Variants in TMEM138 observed in about 807,000 individuals in gnomAD.
The protein encoded by TMEM138 is transmembrane protein 138.
Under a neutral mutation model 18.1 loss-of-function variants are expected in TMEM138, and 9 were observed. The ratio of observed to expected loss-of-function variants is 0.50; its 90% confidence interval spans 0.30 to 0.87. The LOEUF (loss-of-function observed/expected upper bound fraction) is 0.87. TMEM138 is among the 40% of genes least tolerant of loss of function. The probability of loss-of-function intolerance (pLI) is 0.06; values close to 1 mark genes in which losing one functional copy is unlikely to be tolerated. For synonymous variants in TMEM138, 79 were observed against 74.8 expected, an observed-to-expected ratio of 1.06 and a Z score of -0.29; for missense variants, 189 against 190.6, an observed-to-expected ratio of 0.99 and a Z score of 0.05.
chr11:61,372,333 ACT>A (rs1858362379), downstream of TMEM138, among the ~76,000 whole-genome samples: 2 of 151,796 alleles, frequency 1.3e-5, no homozygotes, highest in Middle Eastern at 3.4e-3. Context: ...ATGGAGTCTC[ACT>A]CTGTCTCCCA....
Position 61,368,981 on chromosome 11 carries a change from G to C in TMEM138, c.*272G>C, listed in dbSNP as rs1229102117. The C allele has an allele frequency of 7.7e-6, 3 of 390,136 alleles. No individual in the cohort carries two copies. The South Asian group carries it at 9.1e-5, about 12-fold the overall frequency. The allele number at this position is 390,136 out of a possible 1,614,324, so 24.2% of individuals were successfully genotyped here. A position where few individuals can be genotyped will look rare whatever the true frequency, so the allele number is the denominator to read the frequency against. The stretch of plus-strand genomic sequence containing the variant: ...TCTGTACCATTCATTCTCCCTGACC[G>C]GCCTTTCTTGCCGAGGGTTCTGTGG... On this transcript the variant is annotated 3_prime_UTR_variant, in exon 5 of 5. Coordinates refer to ENST00000278826, the MANE Select transcript of TMEM138 (RefSeq NM_016464.5).
At chr11:61,370,251 C>T (rs1481690633), downstream of TMEM138, among the ~76,000 whole-genome samples, 3 of 152,156 alleles carry the variant, frequency 2.0e-5, no homozygotes, top group African/African-American at 7.2e-5. Context: ...AATGGACCAC[C>T]AGGTAGTCTA....
At chr11:61,364,681 G>T in intron 2 of TMEM138, 163 bp downstream of exon 2, 1 of 938,592 alleles carries the variant, frequency 1.1e-6, no homozygotes, top group Non-Finnish European at 1.6e-6. Context: ...TTGAGGCTGG[G>T]AGTTTGAGGA....
chr11:61,375,314 AT>A (rs1858420934), downstream of TMEM138, among the ~76,000 whole-genome samples: 1 of 112,582 alleles, frequency 8.9e-6, no homozygotes, highest in South Asian at 2.9e-4. Context: ...ATTTGTGAGT[AT>A]TCTTTTTTTT....
In TMEM138 at chr11:61,368,880, T is replaced by G. The variant is rs189491772; in HGVS notation, c.*171T>G. The G allele has an allele frequency of 1.6e-6, 1 of 618,940 alleles. No homozygotes were observed. The highest frequency in any genetic ancestry group is 2.9e-6 in the Non-Finnish European group (1 of 343,644). 38.3% of individuals were successfully genotyped at this position (618,940 alleles called of 1,614,324 possible). On this transcript the variant is annotated 3_prime_UTR_variant, in exon 5 of 5. Coordinates refer to ENST00000278826, the MANE Select transcript of TMEM138 (RefSeq NM_016464.5). ...GATCCTCCCTCTTGCACAATTAGAGTGTCCCCATCGGTCTCCAGTGCGGCA... is the reference window on the plus strand; with the variant it reads ...GATCCTCCCTCTTGCACAATTAGAGGGTCCCCATCGGTCTCCAGTGCGGCA...
downstream of TMEM138, among the ~76,000 whole-genome samples, chr11:61,373,214 C>G (rs1858388075): frequency 6.6e-6 from 1 of 152,110 alleles, no homozygotes; most frequent in Admixed American, 6.6e-5. Flanking sequence ...GGCCCAGGGA[C>G]TATCAAGAAA....
At chr11:61,372,618 T>TA (rs577437154), downstream of TMEM138, among the ~76,000 whole-genome samples, 263 of 151,408 alleles carry the variant, frequency 1.7e-3, 4 homozygotes, top group East Asian at 0.04. Flanking sequence ...CCGTCTGTAC[T>TA]AAAAAAAATA....
At position 61,368,630 on chromosome 11, in the gene TMEM138, C is replaced by A; in HGVS notation, c.410C>A (p.Thr137Lys). 6.2e-7 allele frequency: 1 copy of A among 1,614,032 alleles called. No individual in the cohort carries two copies. The highest frequency in any genetic ancestry group is 8.5e-7 in the Non-Finnish European group (1 of 1,179,980). ...TTGTACTGCTACTTCTATAAACGGACAGCCGTAAGACTAGGCGATCCTCAC... is the reference window on the plus strand; with the variant it reads ...TTGTACTGCTACTTCTATAAACGGAAAGCCGTAAGACTAGGCGATCCTCAC... ...AVLYCYFYKR[T>K]AVRLGDPHFY... The change falls in exon 5 of 5, where the codon ACA becomes AAA. Residue 137 changes from threonine (T) to lysine (K), a missense_variant. Thr to Lys is a moderately conservative substitution (Grantham distance 78, BLOSUM62 -1). Coordinates refer to ENST00000278826, the MANE Select transcript of TMEM138 (RefSeq NM_016464.5).
At chr11:61,366,564 T>G in intron 3 of TMEM138, 1 of 174,748 alleles carries the variant, frequency 5.7e-6, no homozygotes, top group Non-Finnish European at 1.2e-5. Flanking sequence ...GCTTCCTGGG[T>G]TCAAGCAATT....
downstream of TMEM138, among the ~76,000 whole-genome samples, chr11:61,374,463 A>G (rs923752378): frequency 2.6e-5 from 4 of 152,126 alleles, no homozygotes; most frequent in Non-Finnish European, 5.9e-5. Flanking sequence ...GGAAACTCCT[A>G]TAATTCTGAT....
At position 61,364,345 on chromosome 11, in the gene TMEM138, G is replaced by T. The variant is rs746641216; in HGVS notation, c.-46G>T. 6.2e-7 allele frequency: 1 copy of T among 1,604,894 alleles called. No homozygotes were observed. The highest frequency in any genetic ancestry group is 1.7e-5 in the Admixed American group (1 of 59,300). On this transcript the variant is annotated 5_prime_UTR_variant, in exon 2 of 5. Transcript: ENST00000278826. ...GGAGACAGCCAGGAGCGGTTTTCTG[G>T]GAACTGTGGGATGTGCCCTTGGGGG...
chr11:61,374,675 C>T (rs778645855), downstream of TMEM138, among the ~76,000 whole-genome samples: 51 of 152,204 alleles, frequency 3.4e-4, 1 homozygote, highest in Non-Finnish European at 1.5e-5. Context: ...CTAGGCCAGG[C>T]GTGGTGACTC....
intron 3 of TMEM138, chr11:61,367,722 C>G: frequency 1.7e-6 from 1 of 577,448 alleles, no homozygotes; most frequent in Admixed American, 2.9e-5. Flanking sequence ...TTCATACTTC[C>G]TCCCTCAAAG....
intron 2 of TMEM138, chr11:61,365,578 TTTAA>T (rs1483459025): frequency 6.6e-6 from 1 of 152,078 alleles, no homozygotes. Flanking sequence ...TAATTTTTTT[TTTAA>T]TTAGCTGAGT....
At chr11:61,375,453 G>C (rs1858423379), downstream of TMEM138, among the ~76,000 whole-genome samples, 1 of 150,794 alleles carries the variant, frequency 6.6e-6, no homozygotes, top group East Asian at 2.0e-4. Context: ...CTCCCAAGTA[G>C]CTGGGACTAC....
At chr11:61,372,563 G>C (rs1402837461), downstream of TMEM138, among the ~76,000 whole-genome samples, 1 of 151,762 alleles carries the variant, frequency 6.6e-6, no homozygotes, top group African/African-American at 2.4e-5. Flanking sequence ...CGGGGGGATC[G>C]TGAAGTCAGG....
At chr11:61,375,637 C>G (rs529886755), downstream of TMEM138, among the ~76,000 whole-genome samples, 1 of 152,160 alleles carries the variant, frequency 6.6e-6, no homozygotes, top group Non-Finnish European at 1.5e-5. Flanking sequence ...GTATTCTTAA[C>G]TTATGACAAT....
downstream of TMEM138, among the ~76,000 whole-genome samples, chr11:61,370,770 C>G (rs1265470445): frequency 2.0e-5 from 3 of 152,154 alleles, no homozygotes; most frequent in African/African-American, 7.2e-5. Flanking sequence ...AACCACGACA[C>G]TGAAGCATGA....
intron 2 of TMEM138, among the ~76,000 whole-genome samples, chr11:61,365,178 ACT>A (rs1161496206): frequency 6.7e-6 from 1 of 148,374 alleles, no homozygotes; most frequent in Non-Finnish European, 1.5e-5. Flanking sequence ...ACAGAACAAG[ACT>A]CCATCTCAAA....
Sources: gnomAD v4.1 joint callset for allele counts (sites outside exome capture counted in the v4.1 genomes callset) on GRCh38, gnomAD v4.1.1 for gene constraint, MANE v1.5 for transcripts, NCBI Gene and HGNC (gene_info 2026-07-23, HGNC 2026-07-21) for gene names.